PTPRD: variants seen among roughly 807,000 people sequenced by gnomAD.
The protein encoded by PTPRD is receptor-type tyrosine-protein phosphatase delta.
In PTPRD, 34 loss-of-function variants were observed where a neutral mutation model predicts 214.5. That is an observed-to-expected ratio of 0.16 (90% CI 0.12 to 0.21). The LOEUF (loss-of-function observed/expected upper bound fraction) is 0.21. Ranked by LOEUF, PTPRD falls within the 10% of genes least tolerant of loss-of-function variation. The probability of loss-of-function intolerance (pLI) is 1.00; values close to 1 mark genes in which losing one functional copy is unlikely to be tolerated. For missense variants in PTPRD, 2,545 were observed against 2,398.7 expected (o/e 1.06, Z -1.27); for synonymous variants, 1,128 against 845.7 (o/e 1.33, Z -5.79).
At chr9:9,318,039 T>G (rs1452674487) in intron 9 of PTPRD, among the ~76,000 whole-genome samples, 1 of 151,820 alleles carries the variant, frequency 6.6e-6, no homozygotes, top group African/African-American at 2.4e-5. Flanking sequence ...GATGTGGTGG[T>G]GCATGCCTGT....
intron 4 of PTPRD, among the ~76,000 whole-genome samples, chr9:9,970,898 G>A (rs1017354980): frequency 3.3e-5 from 5 of 151,992 alleles, no homozygotes; most frequent in African/African-American, 7.3e-5. Flanking sequence ...CCAAGGAACT[G>A]GTAGTTAAAT....
intron 2 of PTPRD, among the ~76,000 whole-genome samples, chr9:10,536,770 A>C (rs1313895800): frequency 6.6e-6 from 1 of 152,308 alleles, no homozygotes. Context: ...TGTCTCATTA[A>C]AAGTGAGGTT....
chr9:10,285,310 C>T (rs7860051), intron 3 of PTPRD, among the ~76,000 whole-genome samples: 10,088 of 152,054 alleles, frequency 0.066, 425 homozygotes, highest in South Asian at 0.16. Flanking sequence ...ATCTACAAAA[C>T]GACTGCATTT....
intron 9 of PTPRD, among the ~76,000 whole-genome samples, chr9:9,207,064 T>G (rs1326136733): frequency 3.3e-5 from 5 of 152,080 alleles, no homozygotes; most frequent in African/African-American, 1.2e-4. Flanking sequence ...TGGATTTATT[T>G]TGAAAGTAGA....
At chr9:10,054,873 G>A (rs1363850029) in intron 3 of PTPRD, among the ~76,000 whole-genome samples, 3 of 152,080 alleles carry the variant, frequency 2.0e-5, no homozygotes, top group Non-Finnish European at 4.4e-5. Context: ...ATATGTTGAA[G>A]TCCTCATACC....
chr9:8,486,626 T>C (rs745925347), intron 27 of PTPRD, among the ~76,000 whole-genome samples: 32 of 152,198 alleles, frequency 2.1e-4, no homozygotes, highest in Non-Finnish European at 3.8e-4. Context: ...CACCTGCACG[T>C]TTTAAACCTT....
At chr9:10,463,429 G>A (rs1204321048) in intron 2 of PTPRD, among the ~76,000 whole-genome samples, 1 of 152,024 alleles carries the variant, frequency 6.6e-6, no homozygotes, top group Non-Finnish European at 1.5e-5. Context: ...ACAGAACACA[G>A]AAGTAGAACT....
intron 11 of PTPRD, among the ~76,000 whole-genome samples, chr9:8,865,046 A>G (rs914260726): frequency 1.3e-5 from 2 of 152,222 alleles, no homozygotes; most frequent in Non-Finnish European, 2.9e-5. Context: ...GCGTGATAGA[A>G]ATAGGATAAA....
rs185597740 is a variant in PTPRD, at chr9:9,637,104, T to A, written c.-286-62323A>T. ...CCCAAAGGGCCCCACCTCCCAAAAC[T>A]ATTACAGTATGGATTAAGTTTCCAA... On this transcript the variant is annotated intron_variant, in intron 7 of 45. Transcript: ENST00000381196. Among the ~76,000 whole-genome samples the A allele has an allele frequency of 1.3e-3, 191 of 152,230 alleles. 3 individuals are homozygous for A. Among genetic ancestry groups the A allele is most frequent in the Non-Finnish European group, 2.6e-4 (18 of 68,014 alleles).
At chr9:10,150,553 C>A (rs1248328941) in intron 3 of PTPRD, among the ~76,000 whole-genome samples, 1 of 151,608 alleles carries the variant, frequency 6.6e-6, no homozygotes, top group Non-Finnish European at 1.5e-5. Flanking sequence ...GGAGATATAC[C>A]TAATGTAACT....
At chr9:9,205,126 A>C (rs2099944072) in intron 9 of PTPRD, among the ~76,000 whole-genome samples, 1 of 152,172 alleles carries the variant, frequency 6.6e-6, no homozygotes, top group South Asian at 2.1e-4. Context: ...TGAAATAATA[A>C]ATCACTTATT....
At chr9:9,148,877 T>C (rs1221925074) in intron 10 of PTPRD, among the ~76,000 whole-genome samples, 2 of 152,188 alleles carry the variant, frequency 1.3e-5, no homozygotes, top group Non-Finnish European at 2.9e-5. Context: ...GAAAATGATA[T>C]GGTTACAAAA....
At chr9:8,792,742 C>T (rs2096277279) in intron 11 of PTPRD, among the ~76,000 whole-genome samples, 1 of 152,194 alleles carries the variant, frequency 6.6e-6, no homozygotes, top group African/African-American at 2.4e-5. Context: ...AAAGCCTCCA[C>T]TAGAGGTAAA....
At chr9:8,558,280 CTCCTT>C (rs1422948021) in intron 14 of PTPRD, among the ~76,000 whole-genome samples, 2 of 152,204 alleles carry the variant, frequency 1.3e-5, no homozygotes, top group Non-Finnish European at 2.9e-5. Context: ...TATATCTTCT[CTCCTT>C]TATGTTTTTC....
At chr9:8,620,636 C>G (rs958204946) in intron 14 of PTPRD, among the ~76,000 whole-genome samples, 1 of 151,582 alleles carries the variant, frequency 6.6e-6, no homozygotes, top group African/African-American at 2.4e-5. Flanking sequence ...GCAGGGAATC[C>G]TGTGTAATGT....
chr9:10,426,189 A>G (rs932288292), intron 2 of PTPRD, among the ~76,000 whole-genome samples: 1 of 151,958 alleles, frequency 6.6e-6, no homozygotes, highest in African/African-American at 2.4e-5. Context: ...TGTTATTCCT[A>G]AAATCAGCAA....
At chr9:10,207,196 C>T (rs1444842098) in intron 3 of PTPRD, among the ~76,000 whole-genome samples, 2 of 152,128 alleles carry the variant, frequency 1.3e-5, no homozygotes, top group Non-Finnish European at 2.9e-5. Context: ...TAAGAAATTA[C>T]ACATCTAATT....
intron 11 of PTPRD, among the ~76,000 whole-genome samples, chr9:8,740,877 C>A (rs1472409010): frequency 6.6e-6 from 1 of 152,104 alleles, no homozygotes; most frequent in African/African-American, 2.4e-5. Flanking sequence ...CACAATGATT[C>A]TTTGAAGAAA....
chr9:9,125,394 C>G (rs1437854639), intron 10 of PTPRD, among the ~76,000 whole-genome samples: 1 of 152,158 alleles, frequency 6.6e-6, no homozygotes, highest in African/African-American at 2.4e-5. Context: ...CTCTAATTTG[C>G]TCTCTCACTC....
Sources: gnomAD v4.1 joint callset for allele counts (sites outside exome capture counted in the v4.1 genomes callset) on GRCh38, gnomAD v4.1.1 for gene constraint, MANE v1.5 for transcripts, NCBI Gene and HGNC (gene_info 2026-07-23, HGNC 2026-07-21) for gene names.